Variants in GALNTL6 observed in about 807,000 individuals in gnomAD.
The protein encoded by GALNTL6 is polypeptide N-acetylgalactosaminyltransferase-like 6.
GALNTL6 carries 46 observed loss-of-function variants against 73.7 expected under a neutral mutation model. The ratio of observed to expected loss-of-function variants is 0.62; its 90% CI spans 0.49 to 0.80. The LOEUF (loss-of-function observed/expected upper bound fraction) is 0.80, where lower values mean the gene tolerates loss of function less well. Among genes scored for constraint, GALNTL6 ranks in the 30% least tolerant of loss-of-function variants. The pLI, the probability that GALNTL6 is intolerant of heterozygous loss-of-function variation, is 0.00. For synonymous variants in GALNTL6, 259 were observed against 263.7 expected, an observed-to-expected ratio of 0.98 and a Z score of 0.17; for missense variants, 604 against 755.0, an observed-to-expected ratio of 0.80 and a Z score of 2.34.
intron 2 of GALNTL6, among the ~76,000 whole-genome samples, chr4:172,143,504 G>GT (rs1030552611): frequency 2.7e-4 from 41 of 151,360 alleles, no homozygotes; most frequent in African/African-American, 5.3e-4. Flanking sequence ...GTTTTGTTTT[G>GT]TTTTTTGTTT....
At chr4:172,321,064 TTGTTA>T (rs1740741864) in intron 4 of GALNTL6, among the ~76,000 whole-genome samples, 1 of 152,214 alleles carries the variant, frequency 6.6e-6, no homozygotes, top group African/African-American at 2.4e-5. Context: ...ATACAGTATA[TTGTTA>T]TAATTGTTTG....
intron 2 of GALNTL6, among the ~76,000 whole-genome samples, chr4:171,926,605 C>T (rs1040516546): frequency 2.6e-5 from 4 of 152,096 alleles, no homozygotes; most frequent in Admixed American, 2.0e-4. Flanking sequence ...CCTGTCTCTT[C>T]ACTAGCATTT....
At chr4:171,873,112 T>A in intron 2 of GALNTL6, among the ~76,000 whole-genome samples, 1 of 152,048 alleles carries the variant, frequency 6.6e-6, no homozygotes, top group East Asian at 1.9e-4. Context: ...AACAGAAAAA[T>A]TTTTAGGCCA....
chr4:172,300,033 T>G (rs1194871868), intron 3 of GALNTL6, among the ~76,000 whole-genome samples: 2 of 152,218 alleles, frequency 1.3e-5, no homozygotes, highest in African/African-American at 4.8e-5. Flanking sequence ...AAGGACTTGC[T>G]TTATGAATCT....
chr4:172,383,299 T>A (rs1040642591), intron 5 of GALNTL6, among the ~76,000 whole-genome samples: 2 of 152,150 alleles, frequency 1.3e-5, no homozygotes, highest in Non-Finnish European at 2.9e-5. Context: ...TCAACAAAAT[T>A]TGTAGTCTTC....
chr4:172,700,100 C>A (rs1244663904), intron 5 of GALNTL6, among the ~76,000 whole-genome samples: 1 of 151,992 alleles, frequency 6.6e-6, no homozygotes, highest in Non-Finnish European at 1.5e-5. Context: ...AAAAAAACTA[C>A]CAAAAATTGG....
At chr4:172,802,113 T>A (rs571790063) in intron 5 of GALNTL6, among the ~76,000 whole-genome samples, 79 of 145,716 alleles carry the variant, frequency 5.4e-4, no homozygotes, top group African/African-American at 2.0e-3. Flanking sequence ...GCCAATTGTA[T>A]TCCTGCTGTG....
intron 3 of GALNTL6, among the ~76,000 whole-genome samples, chr4:172,302,495 T>C (rs971247668): frequency 2.6e-5 from 4 of 152,182 alleles, no homozygotes; most frequent in African/African-American, 7.2e-5. Flanking sequence ...CTGTTCCTAT[T>C]AGGCCATCTT....
At chr4:171,912,187 G>A (rs968601335) in intron 2 of GALNTL6, among the ~76,000 whole-genome samples, 1 of 152,114 alleles carries the variant, frequency 6.6e-6, no homozygotes, top group Non-Finnish European at 1.5e-5. Flanking sequence ...TGCTAAAGTA[G>A]ATCCTTTATA....
chr4:171,922,689 T>G (rs1198782079), intron 2 of GALNTL6, among the ~76,000 whole-genome samples: 1 of 152,124 alleles, frequency 6.6e-6, no homozygotes, highest in African/African-American at 2.4e-5. Flanking sequence ...CTTCTGCATA[T>G]TCTTAGACTG....
chr4:172,830,356 A>G (rs959010159), intron 7 of GALNTL6, among the ~76,000 whole-genome samples: 10 of 151,892 alleles, frequency 6.6e-5, no homozygotes, highest in Admixed American at 3.9e-4. Flanking sequence ...CTAGGCCAGA[A>G]TGGGACTGCT....
chr4:172,422,046 A>G (rs982869312), intron 5 of GALNTL6, among the ~76,000 whole-genome samples: 1 of 152,080 alleles, frequency 6.6e-6, no homozygotes, highest in African/African-American at 2.4e-5. Flanking sequence ...AAAGTTATTC[A>G]CTATTTTTTG....
At chr4:172,927,442 T>C (rs149796205) in intron 8 of GALNTL6, among the ~76,000 whole-genome samples, 1 of 152,326 alleles carries the variant, frequency 6.6e-6, no homozygotes, top group East Asian at 1.9e-4. Context: ...TTTAGAAATA[T>C]GTAGTTCCAA....
chr4:172,143,404 T>C (rs1733849875), intron 2 of GALNTL6, among the ~76,000 whole-genome samples: 1 of 151,866 alleles, frequency 6.6e-6, no homozygotes, highest in African/African-American at 2.4e-5. Context: ...GATTTCTTTG[T>C]CTTTGATTCA....
intron 5 of GALNTL6, among the ~76,000 whole-genome samples, chr4:172,447,289 A>G (rs948084602): frequency 6.6e-6 from 1 of 152,114 alleles, no homozygotes; most frequent in Non-Finnish European, 1.5e-5. Context: ...TTATTGCTTT[A>G]TGTATCAGTC....
At chr4:173,032,949 C>T (rs1753531937) in intron 12 of GALNTL6, among the ~76,000 whole-genome samples, 1 of 152,190 alleles carries the variant, frequency 6.6e-6, no homozygotes, top group South Asian at 2.1e-4. Context: ...GTAGCCAGCA[C>T]CGTCTCAGCA....
intron 8 of GALNTL6, among the ~76,000 whole-genome samples, chr4:172,913,191 T>C (rs2111268267): frequency 6.6e-6 from 1 of 152,118 alleles, no homozygotes; most frequent in Admixed American, 6.5e-5. Flanking sequence ...CAGAAAGGAA[T>C]AACATCAACA....
chr4:172,289,965 C>G (rs1739405684), intron 3 of GALNTL6, among the ~76,000 whole-genome samples: 1 of 152,194 alleles, frequency 6.6e-6, no homozygotes, highest in South Asian at 2.1e-4. Flanking sequence ...CTTTCCTTAT[C>G]TAAATCATAC....
chr4:172,021,884 A>G lies in GALNTL6; in HGVS notation c.138+207166A>G, dbSNP rs1196765537. On this transcript the variant is annotated intron_variant, in intron 2 of 12. Transcript: ENST00000506823. ...GGTCCTAGAAAAACTGGGTATCAAT[A>G]TGCCAAAGAATGAAACTAGATTCCT... 5.9e-5 allele frequency among the ~76,000 whole-genome samples: 9 copies of G among 152,232 alleles called. No individual in the cohort carries two copies. The East Asian group carries it at 1.5e-3, about 26-fold the overall frequency.
Sources: gnomAD v4.1 joint callset for allele counts (sites outside exome capture counted in the v4.1 genomes callset) on GRCh38, gnomAD v4.1.1 for gene constraint, MANE v1.5 for transcripts, NCBI Gene and HGNC (gene_info 2026-07-23, HGNC 2026-07-21) for gene names.